Variants in SGCZ observed in about 807,000 individuals in gnomAD.
SGCZ encodes sarcoglycan zeta.
A neutral mutation model predicts 41.3 loss-of-function variants in SGCZ; 40 were observed. The ratio of observed to expected loss-of-function variants is 0.97; its 90% CI spans 0.75 to 1.26. The LOEUF is 1.26. Among genes scored for constraint, SGCZ ranks in the 50% most tolerant of loss-of-function variants. The pLI, the probability that SGCZ is intolerant of heterozygous loss-of-function variation, is 0.00. For synonymous variants in SGCZ, 206 were observed against 137.5 expected, an observed-to-expected ratio of 1.50 and a Z score of -3.49; for missense variants, 552 against 369.8, an observed-to-expected ratio of 1.49 and a Z score of -4.04.
chr8:14,160,451 C>T (rs1013084255), intron 5 of SGCZ, among the ~76,000 whole-genome samples: 13 of 152,034 alleles, frequency 8.6e-5, no homozygotes, highest in African/African-American at 2.7e-4. Flanking sequence ...TTAAGTCATA[C>T]CTTTGGCCAA....
chr8:14,489,866 C>CTTTTTTTTTTTTT (rs142314868), intron 2 of SGCZ, among the ~76,000 whole-genome samples: 1 of 137,480 alleles, frequency 7.3e-6, no homozygotes. Context: ...AATTCTCCTA[C>CTTTTTTTTTTTTT]CTTTTTTTTT....
chr8:14,575,931 A>G (rs1006734752), intron 1 of SGCZ, among the ~76,000 whole-genome samples: 33 of 145,784 alleles, frequency 2.3e-4, no homozygotes, highest in Non-Finnish European at 2.8e-4. Flanking sequence ...AAAAAAAAAA[A>G]AAAAGAAAGA....
At chr8:14,116,293 G>C (rs745752661) in intron 5 of SGCZ, among the ~76,000 whole-genome samples, 23 of 152,106 alleles carry the variant, frequency 1.5e-4, no homozygotes, top group Non-Finnish European at 2.6e-4. Flanking sequence ...ACTGACATAT[G>C]AAATTATTTT....
At chr8:14,611,563 G>T (rs1805931006) in intron 1 of SGCZ, among the ~76,000 whole-genome samples, 1 of 152,060 alleles carries the variant, frequency 6.6e-6, no homozygotes, top group Non-Finnish European at 1.5e-5. Context: ...AATTTAGAGT[G>T]ATTTATTTTG....
chr8:14,680,839 T>C (rs974125411), intron 1 of SGCZ, among the ~76,000 whole-genome samples: 43 of 151,556 alleles, frequency 2.8e-4, no homozygotes, highest in Admixed American at 6.6e-5. Flanking sequence ...AAATACAGTG[T>C]CTTAGATGAA....
At chr8:14,478,975 T>G (rs749503994) in intron 2 of SGCZ, among the ~76,000 whole-genome samples, 8 of 152,334 alleles carry the variant, frequency 5.3e-5, no homozygotes, top group Admixed American at 6.5e-5. Flanking sequence ...CTGCTTCTAA[T>G]GCCCACCCCT....
chr8:14,146,606 C>A (rs913414733), intron 5 of SGCZ, among the ~76,000 whole-genome samples: 2 of 152,076 alleles, frequency 1.3e-5, no homozygotes, highest in African/African-American at 4.8e-5. Context: ...AATTATAAAG[C>A]ATCCAAAAAT....
At chr8:14,558,246 T>G (rs1462213762) in intron 1 of SGCZ, among the ~76,000 whole-genome samples, 1 of 152,048 alleles carries the variant, frequency 6.6e-6, no homozygotes, top group East Asian at 1.9e-4. Flanking sequence ...CAAAGAAGAA[T>G]TGGTATCAAT....
intron 1 of SGCZ, among the ~76,000 whole-genome samples, chr8:14,846,958 G>A (rs1803135426): frequency 6.6e-6 from 1 of 152,060 alleles, no homozygotes; most frequent in Non-Finnish European, 1.5e-5. Context: ...TGTAATCCCA[G>A]CTACTTGGGA....
intron 1 of SGCZ, among the ~76,000 whole-genome samples, chr8:15,021,777 A>G (rs938560779): frequency 6.6e-6 from 1 of 152,056 alleles, no homozygotes; most frequent in Non-Finnish European, 1.5e-5. Flanking sequence ...AATGGTCTAT[A>G]TTTGTTATTG....
At chr8:14,904,727 T>A (rs935946663) in intron 1 of SGCZ, among the ~76,000 whole-genome samples, 4 of 152,046 alleles carry the variant, frequency 2.6e-5, no homozygotes, top group African/African-American at 7.2e-5. Context: ...ATTTTATAAT[T>A]AGATTTGATA....
chr8:14,351,943 T>C (rs1254805558), intron 2 of SGCZ, among the ~76,000 whole-genome samples: 1 of 152,126 alleles, frequency 6.6e-6, no homozygotes, highest in Non-Finnish European at 1.5e-5. Flanking sequence ...ATTTTTCACA[T>C]ATATAAAGTA....
rs567218258 is a variant in SGCZ at position 14,595,109 on chromosome 8, T to C, written c.40-40183A>G. On this transcript the variant is annotated intron_variant, in intron 1 of 7. Transcript: ENST00000382080. ...ATTTGTTATCACCTCAAAATTGTAT[T>C]AACATCAATAATGATGACAAATGAA... 1.8e-4 allele frequency among the ~76,000 whole-genome samples: 27 copies of C among 150,418 alleles called. 1 individual carries two copies. Among genetic ancestry groups the C allele is most frequent in the African/African-American group, 6.5e-4 (26 of 39,754 alleles).
At chr8:14,169,675 G>C (rs567025184) in intron 4 of SGCZ, among the ~76,000 whole-genome samples, 4 of 152,110 alleles carry the variant, frequency 2.6e-5, no homozygotes, top group African/African-American at 4.8e-5. Context: ...TAATTGTCCA[G>C]TTCTGTTATG....
intron 1 of SGCZ, among the ~76,000 whole-genome samples, chr8:14,951,172 C>T (rs1424723723): frequency 6.7e-6 from 1 of 149,042 alleles, no homozygotes; most frequent in Non-Finnish European, 1.5e-5. Flanking sequence ...GAACTAAATA[C>T]AGACTCTCTT....
chr8:14,350,407 A>G (rs1029673962), intron 2 of SGCZ, among the ~76,000 whole-genome samples: 12 of 152,140 alleles, frequency 7.9e-5, no homozygotes, highest in Non-Finnish European at 1.2e-4. Context: ...TGTATTGAAT[A>G]CTATGGTATG....
intron 4 of SGCZ, among the ~76,000 whole-genome samples, chr8:14,226,662 A>T (rs181054808): frequency 6.6e-6 from 1 of 152,258 alleles, no homozygotes; most frequent in East Asian, 1.9e-4. Flanking sequence ...GCTGCTGTGA[A>T]TATCTATAGA....
chr8:15,073,188 G>A, intron 1 of SGCZ, among the ~76,000 whole-genome samples: 1 of 152,132 alleles, frequency 6.6e-6, no homozygotes, highest in East Asian at 1.9e-4. Flanking sequence ...GTCATGGTGG[G>A]ATCCCTTTTG....
chr8:14,241,612 C>T (rs1312233755), intron 3 of SGCZ, among the ~76,000 whole-genome samples: 2 of 151,536 alleles, frequency 1.3e-5, no homozygotes, highest in Non-Finnish European at 2.9e-5. Context: ...AATAAATCTC[C>T]TATAACAGAA....
Sources: gnomAD v4.1 joint callset for allele counts (sites outside exome capture counted in the v4.1 genomes callset) on GRCh38, gnomAD v4.1.1 for gene constraint, MANE v1.5 for transcripts, NCBI Gene and HGNC (gene_info 2026-07-23, HGNC 2026-07-21) for gene names.